The following ASAP1 variants were observed in gnomAD, a reference collection of about 807,000 sequenced individuals.
The protein encoded by ASAP1 is arf-GAP with SH3 domain, ANK repeat and PH domain-containing protein 1.
A neutral mutation model predicts 145.2 loss-of-function variants in ASAP1; 43 were observed. The ratio of observed to expected loss-of-function variants is 0.30; its 90% CI spans 0.23 to 0.38. The LOEUF is 0.38. ASAP1 is among the 10% of genes least tolerant of loss of function. The pLI, the probability that ASAP1 is intolerant of heterozygous loss-of-function variation, is 1.00. For missense variants in ASAP1, 1,018 were observed against 1,355.3 expected (o/e 0.75, Z 3.91); for synonymous variants, 546 against 515.5 (o/e 1.06, Z -0.80).
At chr8:130,071,547 G>A (rs1472275949) in intron 27 of ASAP1, among the ~76,000 whole-genome samples, 1 of 152,192 alleles carries the variant, frequency 6.6e-6, no homozygotes. Flanking sequence ...TGATTCTAAT[G>A]TCCCTTCAAA....
intron 2 of ASAP1, among the ~76,000 whole-genome samples, chr8:130,365,442 G>C (rs144971165): frequency 5.9e-5 from 9 of 152,254 alleles, no homozygotes; most frequent in African/African-American, 1.4e-4. Context: ...AAAAAATCAT[G>C]GTGTTTTATG....
At chr8:130,239,077 G>A (rs550340793) in intron 3 of ASAP1, among the ~76,000 whole-genome samples, 8 of 152,210 alleles carry the variant, frequency 5.3e-5, no homozygotes, top group Non-Finnish European at 7.4e-5. Context: ...ACCATTGATA[G>A]AAGACACTTT....
At chr8:130,355,759 C>T (rs899243616) in intron 3 of ASAP1, among the ~76,000 whole-genome samples, 1 of 152,134 alleles carries the variant, frequency 6.6e-6, no homozygotes, top group African/African-American at 2.4e-5. Context: ...ACTATGGTGG[C>T]TATCCTTCAG....
intron 3 of ASAP1, among the ~76,000 whole-genome samples, chr8:130,275,362 T>C (rs1200673640): frequency 6.6e-6 from 1 of 152,250 alleles, no homozygotes; most frequent in African/African-American, 2.4e-5. Flanking sequence ...CAAAGATTCC[T>C]GGAAGGCAGT....
intron 4 of ASAP1, among the ~76,000 whole-genome samples, chr8:130,234,792 A>G (rs1467520613): frequency 6.6e-6 from 1 of 152,190 alleles, no homozygotes; most frequent in Admixed American, 6.6e-5. Flanking sequence ...CTCAGGTACA[A>G]ACCATCATCA....
chr8:130,425,343 AT>A (rs1238545670), intron 1 of ASAP1, among the ~76,000 whole-genome samples: 2 of 151,900 alleles, frequency 1.3e-5, no homozygotes, highest in Non-Finnish European at 2.9e-5. Context: ...AAATATATAT[AT>A]ATATGTAAAT....
chr8:130,204,197 A>T (rs1415181200), intron 5 of ASAP1, among the ~76,000 whole-genome samples: 1 of 152,192 alleles, frequency 6.6e-6, no homozygotes, highest in Non-Finnish European at 1.5e-5. Flanking sequence ...TGTGAACTGC[A>T]TATGCAAGGG....
intron 2 of ASAP1, among the ~76,000 whole-genome samples, chr8:130,368,731 G>C (rs1290437817): frequency 6.6e-6 from 1 of 152,216 alleles, no homozygotes. Context: ...ACACATCAGA[G>C]AGCTGGCCTA....
At chr8:130,336,334 G>T (rs148308310) in intron 3 of ASAP1, among the ~76,000 whole-genome samples, 9 of 152,286 alleles carry the variant, frequency 5.9e-5, no homozygotes, top group African/African-American at 2.2e-4. Flanking sequence ...TGTGGTCAGT[G>T]AACCAGCAGC....
At chr8:130,297,079 T>C (rs1183570049) in intron 3 of ASAP1, among the ~76,000 whole-genome samples, 1 of 152,186 alleles carries the variant, frequency 6.6e-6, no homozygotes. Flanking sequence ...GGGTTAAATC[T>C]ATGGTTTGGG....
At chr8:130,290,044 C>A (rs962676775) in intron 3 of ASAP1, among the ~76,000 whole-genome samples, 1 of 152,164 alleles carries the variant, frequency 6.6e-6, no homozygotes. Context: ...TCCTGGTACT[C>A]GACAGTTGGC....
intron 2 of ASAP1, among the ~76,000 whole-genome samples, chr8:130,373,849 GA>G (rs1170269915): frequency 0.11 from 5,608 of 50,864 alleles, 107 homozygotes; most frequent in African/African-American, 0.24. Flanking sequence ...GGAGTCTCCA[GA>G]AAAAAAAAAA....
At chr8:130,156,117 A>G (rs1182877475) in intron 12 of ASAP1, among the ~76,000 whole-genome samples, 3 of 152,230 alleles carry the variant, frequency 2.0e-5, no homozygotes, top group Non-Finnish European at 4.4e-5. Context: ...TCTGGTCCAT[A>G]AAGTTTTAAA....
At chr8:130,277,774 C>G (rs1336333997) in intron 3 of ASAP1, among the ~76,000 whole-genome samples, 1 of 152,146 alleles carries the variant, frequency 6.6e-6, no homozygotes. Flanking sequence ...AAATTTGTCC[C>G]CAGATTACAT....
At chr8:130,352,743 TTAAA>T (rs1361267136) in intron 3 of ASAP1, among the ~76,000 whole-genome samples, 1 of 152,208 alleles carries the variant, frequency 6.6e-6, no homozygotes, top group Non-Finnish European at 1.5e-5. Flanking sequence ...AAAAAAGGTA[TTAAA>T]TAATAGTATG....
chr8:130,072,822 T>TGTGTGTGTGTGTGTGTGTGTGTGTGG (rs1554816353), intron 27 of ASAP1, among the ~76,000 whole-genome samples: 1 of 26,036 alleles, frequency 3.8e-5, no homozygotes, highest in Non-Finnish European at 7.8e-5. Flanking sequence ...TGTGTGTGTG[T>TGTGTGTGTGTGTGTGTGTGTGTGTGG]GTGCGCGCGG....
intron 3 of ASAP1, among the ~76,000 whole-genome samples, chr8:130,297,493 A>G (rs886903604): frequency 1.3e-5 from 2 of 152,256 alleles, no homozygotes; most frequent in African/African-American, 4.8e-5. Context: ...AAGGCCTTGC[A>G]TGCCCAGTGG....
At chr8:130,257,627 A>T (rs1249019444) in intron 3 of ASAP1, among the ~76,000 whole-genome samples, 1 of 152,196 alleles carries the variant, frequency 6.6e-6, no homozygotes, top group Non-Finnish European at 1.5e-5. Context: ...CTGTTGCGAA[A>T]AAAAGGGATC....
chr8:130,234,714 G>A lies in ASAP1; in HGVS notation c.259+2208C>T, dbSNP rs376467538. 1.8e-4 allele frequency among the ~76,000 whole-genome samples: 28 copies of A among 152,224 alleles called. No individual in the cohort carries two copies. The East Asian group carries it at 3.9e-3, about 21-fold the overall frequency. On this transcript the variant is annotated intron_variant, in intron 4 of 29. Transcript: ENST00000518721. ...GTCACATGGAGGGAGCCCTCAGCACGGTAAATACAGCAGCACCTCGTGGCT... is the reference window on the plus strand; with the variant it reads ...GTCACATGGAGGGAGCCCTCAGCACAGTAAATACAGCAGCACCTCGTGGCT...
Sources: gnomAD v4.1 joint callset for allele counts (sites outside exome capture counted in the v4.1 genomes callset) on GRCh38, gnomAD v4.1.1 for gene constraint, MANE v1.5 for transcripts, NCBI Gene and HGNC (gene_info 2026-07-23, HGNC 2026-07-21) for gene names.